The following MMRN1 variants were observed in gnomAD, a reference collection of about 807,000 sequenced individuals.
MMRN1 encodes the protein multimerin 1.
Under a neutral mutation model 100.7 loss-of-function variants are expected in MMRN1, and 94 were observed. The observed-to-expected ratio is 0.93, with a 90% CI of 0.79 to 1.11. MMRN1 has a LOEUF of 1.11. Among genes scored for constraint, MMRN1 ranks in the 50% least tolerant of loss-of-function variants. The pLI, the probability that MMRN1 is intolerant of heterozygous loss-of-function variation, is 0.00. For synonymous variants in MMRN1, 575 were observed against 505.0 expected (o/e 1.14, Z -1.86); for missense variants, 1,606 against 1,439.1 (o/e 1.12, Z -1.88).
intron 6 of MMRN1, among the ~76,000 whole-genome samples, chr4:89,941,309 T>G (rs188600444): frequency 9.2e-5 from 14 of 152,258 alleles, no homozygotes; most frequent in Admixed American, 1.3e-4. Flanking sequence ...TGTGGCTTAT[T>G]ATGGCAAAAA....
chr4:89,898,850 C>A (rs2110582729), intron 1 of MMRN1, among the ~76,000 whole-genome samples: 2 of 152,118 alleles, frequency 1.3e-5, no homozygotes, highest in East Asian at 3.9e-4. Flanking sequence ...GTTCACTGCA[C>A]TTACGACACT....
rs190179595 is a variant in MMRN1 at position 89,948,227 on chromosome 4, A to G, written c.3119-3378A>G. The stretch of plus-strand genomic sequence containing the variant: ...GGAAAATCAGTGCCATTCAATCTTT[A>G]GTTGTCTGTTATAAGGCTCTGTACT... On this transcript the variant is annotated intron_variant, in intron 6 of 7. Coordinates refer to ENST00000264790, the MANE Select transcript of MMRN1 (RefSeq NM_007351.3). Among the ~76,000 whole-genome samples, 25 of 152,316 alleles carry G rather than the reference A, an allele frequency of 1.6e-4. No individual in the cohort carries two copies. In the East Asian group the frequency reaches 4.6e-3, roughly 28 times the overall value.
rs760618064 is a variant in MMRN1, at chr4:89,953,156, T to C, written c.3425T>C (p.Leu1142Pro). The change falls in exon 8 of 8, where the codon CTT becomes CCT. Residue 1142 changes from leucine to proline, a missense_variant. Coordinates refer to ENST00000264790, the MANE Select transcript of MMRN1 (RefSeq NM_007351.3). ...PRTGKFRIPY[L>P]GVYVFKYTIE... ...ACTGGAAAATTTAGAATTCCGTATC[T>C]TGGAGTATATGTTTTCAAGTACACC... 3.1e-6 allele frequency: 5 copies of C among 1,613,836 alleles called. No homozygotes were observed. In the East Asian group the frequency reaches 1.1e-4, roughly 36 times the overall value.
At chr4:89,942,164 C>T (rs900019954) in intron 6 of MMRN1, among the ~76,000 whole-genome samples, 1 of 152,174 alleles carries the variant, frequency 6.6e-6, no homozygotes, top group African/African-American at 2.4e-5. Flanking sequence ...TTTACACAGT[C>T]ACTGCATATG....
At chr4:89,888,081 T>C (rs1275971091) in intron 1 of MMRN1, among the ~76,000 whole-genome samples, 1 of 150,852 alleles carries the variant, frequency 6.6e-6, no homozygotes, top group Non-Finnish European at 1.5e-5. Context: ...ATCTACATTT[T>C]TTAATTGATA....
chr4:89,894,909 A>G lies in MMRN1; in HGVS notation c.-63A>G. 6.5e-7 allele frequency: 1 copy of G among 1,542,358 alleles called. No homozygotes were observed. Among genetic ancestry groups the G allele is most frequent in the Non-Finnish European group, 8.7e-7 (1 of 1,146,862 alleles). On this transcript the variant is annotated 5_prime_UTR_variant, in exon 1 of 8. Transcript: ENST00000264790. ...CAGATTCAGTGTGGAAGCAGCTATC[A>G]AAAAGGCCATAAGGATTTTGTCCCC...
At chr4:89,938,564 C>T (rs1722728745) in intron 6 of MMRN1, among the ~76,000 whole-genome samples, 1 of 147,038 alleles carries the variant, frequency 6.8e-6, no homozygotes, top group Admixed American at 6.8e-5. Context: ...GAAATAGCCT[C>T]AAATAAATTG....
At chr4:89,902,692 T>G (rs186505570) in intron 1 of MMRN1, among the ~76,000 whole-genome samples, 26 of 152,072 alleles carry the variant, frequency 1.7e-4, no homozygotes, top group Admixed American at 1.6e-3. Context: ...AATAAAATTA[T>G]GCCTGACAAA....
chr4:89,892,371 G>A (rs1016946150), upstream of MMRN1, among the ~76,000 whole-genome samples: 4 of 151,054 alleles, frequency 2.6e-5, no homozygotes, highest in Admixed American at 6.6e-5. Context: ...TAGTATTTTA[G>A]TATCTAGTAT....
intron 1 of MMRN1, among the ~76,000 whole-genome samples, chr4:89,901,716 C>A (rs1416308571): frequency 1.3e-5 from 2 of 151,966 alleles, no homozygotes; most frequent in Non-Finnish European, 2.9e-5. Flanking sequence ...AAAGTATATT[C>A]TCTATCAACT....
At chr4:89,908,041 T>A (rs952421334) in intron 1 of MMRN1, among the ~76,000 whole-genome samples, 19 of 151,412 alleles carry the variant, frequency 1.3e-4, no homozygotes, top group African/African-American at 4.1e-4. Context: ...TATTTCTGTC[T>A]GGCCCCCTCA....
chr4:89,924,768 C>T (rs928545096), intron 4 of MMRN1, among the ~76,000 whole-genome samples: 2 of 152,002 alleles, frequency 1.3e-5, no homozygotes, highest in South Asian at 2.1e-4. Context: ...CGCTTGAACC[C>T]GGGAGGCAGA....
chr4:89,910,673 A>C (rs1299575005), intron 2 of MMRN1, among the ~76,000 whole-genome samples: 1 of 151,422 alleles, frequency 6.6e-6, no homozygotes, highest in East Asian at 1.9e-4. Context: ...CTTAGCTTTA[A>C]CTATGAGAGT....
At chr4:89,919,216 A>G (rs1468234419) in intron 3 of MMRN1, among the ~76,000 whole-genome samples, 15 of 151,334 alleles carry the variant, frequency 9.9e-5, no homozygotes, top group Admixed American at 7.9e-4. Context: ...GATTTTTTCT[A>G]AATATTTTAT....
In MMRN1 at chr4:89,951,736, A is replaced by C. The variant is rs1723186246; in HGVS notation, c.3250A>C (p.Asn1084His). Residue 1084 changes from asparagine to histidine, a missense_variant, in exon 7 of 8, where the codon AAT (asparagine) becomes CAT (histidine). Asn to His is a moderately conservative substitution (Grantham distance 68). Transcript: ENST00000264790. ...CTGCACTATCAAGCTTGTGGAAGAA[A>C]ATGCTTTAGCTCCAGGTAAAAAAAA... The part of the protein sequence containing the change: ...DNCTIKLVEE[N>H]ALAPDFSKGS... 1 of 1,612,572 alleles carries C rather than the reference A, an allele frequency of 6.2e-7. No homozygotes were observed. Among genetic ancestry groups the C allele is most frequent in the East Asian group, 2.2e-5 (1 of 44,708 alleles).
intron 3 of MMRN1, 62 bp downstream of exon 3, chr4:89,912,112 A>G: frequency 8.4e-7 from 1 of 1,191,862 alleles, no homozygotes; most frequent in Non-Finnish European, 1.2e-6. Flanking sequence ...ATTGAAGAAA[A>G]GAATAGCATT....
At chr4:89,919,085 A>C (rs1467582122) in intron 3 of MMRN1, among the ~76,000 whole-genome samples, 1 of 151,640 alleles carries the variant, frequency 6.6e-6, no homozygotes, top group East Asian at 1.9e-4. Flanking sequence ...ACTCATTTGC[A>C]ATGATATTCC....
intron 5 of MMRN1, among the ~76,000 whole-genome samples, chr4:89,930,210 G>A (rs947587523): frequency 6.6e-6 from 1 of 152,134 alleles, no homozygotes; most frequent in Non-Finnish European, 1.5e-5. Flanking sequence ...GTAACAAATT[G>A]TAGAAATGTT....
intron 3 of MMRN1, among the ~76,000 whole-genome samples, chr4:89,917,710 C>A (rs1032877011): frequency 6.6e-6 from 1 of 151,752 alleles, no homozygotes; most frequent in Non-Finnish European, 1.5e-5. Flanking sequence ...ATATAGGGAA[C>A]CCTCTCAACC....
Sources: gnomAD v4.1 joint callset for allele counts (sites outside exome capture counted in the v4.1 genomes callset) on GRCh38, gnomAD v4.1.1 for gene constraint, MANE v1.5 for transcripts, NCBI Gene and HGNC (gene_info 2026-07-23, HGNC 2026-07-21) for gene names.